The following PLEKHG7 variants were observed in gnomAD, a reference collection of about 807,000 sequenced individuals.
PLEKHG7 encodes pleckstrin homology and RhoGEF domain containing G7.
A neutral mutation model predicts 85.2 loss-of-function variants in PLEKHG7; 77 were observed. The ratio of observed to expected loss-of-function variants is 0.90; its 90% CI spans 0.75 to 1.09. PLEKHG7 has a LOEUF of 1.09. Among genes scored for constraint, PLEKHG7 ranks in the 50% least tolerant of loss-of-function variants. The pLI is 0.00. For missense variants in PLEKHG7, 777 were observed against 804.3 expected (o/e 0.97, Z 0.41); for synonymous variants, 301 against 302.4 (o/e 1.00, Z 0.05).
In PLEKHG7 at chr12:92,740,966, AT is replaced by A; in HGVS notation, c.1035+20del. On this transcript the variant is annotated intron_variant, in intron 8 of 16. Coordinates refer to ENST00000344636, the MANE Select transcript of PLEKHG7 (RefSeq NM_001377329.1). Reference sequence around the variant, plus strand: ...TAACTCAGGTGAGCCAAGTAGGAAGATTCATGTTTTAACATTCACTAGAGGA... The same window carrying A: ...TAACTCAGGTGAGCCAAGTAGGAAGATCATGTTTTAACATTCACTAGAGGA... 5.2e-6 allele frequency: 8 copies of A among 1,549,244 alleles called. No individual in the cohort carries two copies. The highest frequency in any genetic ancestry group is 7.1e-6 in the Non-Finnish European group (8 of 1,122,668).
chr12:92,767,517 A>G (rs957747770), intron 15 of PLEKHG7, among the ~76,000 whole-genome samples: 1 of 151,936 alleles, frequency 6.6e-6, no homozygotes, highest in African/African-American at 2.4e-5. Flanking sequence ...TTTTCCCCAG[A>G]AAGTCATTTT....
intron 13 of PLEKHG7, among the ~76,000 whole-genome samples, chr12:92,759,327 T>C (rs554173133): frequency 6.6e-6 from 1 of 152,280 alleles, no homozygotes; most frequent in South Asian, 2.1e-4. Flanking sequence ...CAAAATAAAA[T>C]AGTTGAAATT....
At position 92,757,492 on chromosome 12, in the gene PLEKHG7, T is replaced by C. The variant is rs146232450; in HGVS notation, c.1636+1101T>C. Among the ~76,000 whole-genome samples, 8 of 152,256 alleles carry C rather than the reference T, an allele frequency of 5.3e-5. 1 individual carries two copies. The East Asian group carries it at 1.2e-3, about 22-fold the overall frequency. ...TGTATATTGAAACTCTGCTCTATTT[T>C]AGAGGTAGTCTGGATGTCAGGTTAG... On this transcript the variant is annotated intron_variant, in intron 13 of 16. Coordinates refer to ENST00000344636, the MANE Select transcript of PLEKHG7 (RefSeq NM_001377329.1).
chr12:92,767,659 T>C (rs1259859682), intron 15 of PLEKHG7, among the ~76,000 whole-genome samples: 2 of 152,224 alleles, frequency 1.3e-5, no homozygotes, highest in Admixed American at 6.5e-5. Context: ...TCTGTGATAC[T>C]GGGGTAGTTC....
At chr12:92,703,694 C>A (rs910419277) in intron 1 of PLEKHG7, among the ~76,000 whole-genome samples, 13 of 152,240 alleles carry the variant, frequency 8.5e-5, no homozygotes, top group African/African-American at 3.1e-4. Flanking sequence ...TGCAAACCAC[C>A]TCCCTAAGCC....
Position 92,770,293 on chromosome 12 carries a change from G to T in PLEKHG7, c.*98G>T. 2.1e-6 allele frequency: 2 copies of T among 940,900 alleles called. No individual in the cohort carries two copies. The highest frequency in any genetic ancestry group is 3.2e-6 in the Non-Finnish European group (2 of 619,658). The allele number at this position is 940,900 out of a possible 1,614,324, so 58.3% of individuals were successfully genotyped here. A position where few individuals can be genotyped will look rare whatever the true frequency, so the allele number is the denominator to read the frequency against. On this transcript the variant is annotated 3_prime_UTR_variant, in exon 17 of 17. Coordinates refer to ENST00000344636, the MANE Select transcript of PLEKHG7 (RefSeq NM_001377329.1). ...CACTTAGCTAGTGATAAGCTAGAAG[G>T]AAATTTGCATTTTAAAGAAGTTTCA...
intron 5 of PLEKHG7, among the ~76,000 whole-genome samples, chr12:92,735,497 G>T (rs117903986): frequency 6.6e-5 from 10 of 152,274 alleles, no homozygotes; most frequent in Non-Finnish European, 1.5e-4. Flanking sequence ...AAACTGTTTA[G>T]ATCCATGCCA....
chr12:92,730,990 G>A (rs1006526505), intron 4 of PLEKHG7, among the ~76,000 whole-genome samples: 3 of 152,150 alleles, frequency 2.0e-5, no homozygotes, highest in Admixed American at 6.6e-5. Context: ...GTGCATATGA[G>A]TCACCTGCAG....
At chr12:92,769,774 C>T (rs1873347018) in intron 16 of PLEKHG7, among the ~76,000 whole-genome samples, 1 of 152,174 alleles carries the variant, frequency 6.6e-6, no homozygotes, top group Non-Finnish European at 1.5e-5. Flanking sequence ...AGCAATGCCA[C>T]TTTCAAACTA....
Position 92,706,840 on chromosome 12 carries a change from C to G in PLEKHG7, c.209C>G (p.Thr70Ser), listed in dbSNP as rs781009656. Residue 70 changes from threonine (T) to serine (S), a missense_variant, in exon 2 of 17, where the codon ACC becomes AGC. Physicochemically the swap from Thr to Ser is moderately conservative, Grantham distance 58. Around this residue, in one of 3 missense-constraint regions of PLEKHG7, gnomAD observed 252 missense variants for 241.9 expected, o/e 1.04. Coordinates refer to ENST00000344636, the MANE Select transcript of PLEKHG7 (RefSeq NM_001377329.1). ...GTRQDAWQVT[T>S]WGSWGAPVGF... ...AGGCAGGATGCCTGGCAGGTGACCACCTGGGGAAGCTGGGGAGCTCCTGTG... is the reference window on the plus strand; with the variant it reads ...AGGCAGGATGCCTGGCAGGTGACCAGCTGGGGAAGCTGGGGAGCTCCTGTG... 1.2e-6 allele frequency: 2 copies of G among 1,613,932 alleles called. No homozygotes were observed. Among genetic ancestry groups the G allele is most frequent in the South Asian group, 2.2e-5 (2 of 91,084 alleles).
Position 92,741,532 on chromosome 12 carries a change from G to A in PLEKHG7, c.1077G>A (p.Lys359=). ...TGAACAGTCTCTTTGGCATCATCAAGGACTATGTAGACGCTTCTGAGATTT... is the reference window on the plus strand; with the variant it reads ...TGAACAGTCTCTTTGGCATCATCAAAGACTATGTAGACGCTTCTGAGATTT... ...GFVNSLFGII[K]DYVDASEISS... The change falls in exon 9 of 17, where the codon AAG becomes AAA. Residue 359 remains lysine, a synonymous_variant. Coordinates refer to ENST00000344636, the MANE Select transcript of PLEKHG7 (RefSeq NM_001377329.1). The A allele has an allele frequency of 6.2e-7, 1 of 1,613,334 alleles. No individual in the cohort carries two copies. Among genetic ancestry groups the A allele is most frequent in the Non-Finnish European group, 8.5e-7 (1 of 1,179,692 alleles).
rs1475286928 is a variant in PLEKHG7, at chr12:92,771,527, G to C, written c.*1332G>C. On this transcript the variant is annotated 3_prime_UTR_variant, in exon 17 of 17. Transcript: ENST00000344636. Reference sequence around the variant, plus strand: ...TGGAGGACAGTAACTATTGTTAATAGCTAAGAATAAATGAGGTGGAGGGGA... The same window carrying C: ...TGGAGGACAGTAACTATTGTTAATACCTAAGAATAAATGAGGTGGAGGGGA... 1 of 151,994 alleles carries C rather than the reference G, an allele frequency of 6.6e-6. No individual in the cohort carries two copies. The highest frequency in any genetic ancestry group is 1.5e-5 in the Non-Finnish European group (1 of 67,930). 9.4% of individuals were successfully genotyped at this position (151,994 alleles called of 1,614,324 possible).
At chr12:92,716,872 C>T (rs1313072966) in intron 3 of PLEKHG7, among the ~76,000 whole-genome samples, 1 of 152,194 alleles carries the variant, frequency 6.6e-6, no homozygotes, top group African/African-American at 2.4e-5. Flanking sequence ...GAGTCTACTT[C>T]CAAAAAGATG....
At chr12:92,749,835 T>C (rs1317248101) in intron 10 of PLEKHG7, 1 of 151,314 alleles carries the variant, frequency 6.6e-6, no homozygotes, top group Non-Finnish European at 1.5e-5. Flanking sequence ...TGCATCCCAC[T>C]AAGACAAATT....
chr12:92,768,706 A>G (rs961143884), intron 15 of PLEKHG7, among the ~76,000 whole-genome samples: 1 of 152,192 alleles, frequency 6.6e-6, no homozygotes, highest in Non-Finnish European at 1.5e-5. Flanking sequence ...CAGGGGCCCC[A>G]TTACCTAAGC....
At chr12:92,714,605 T>C (rs1871432048) in intron 3 of PLEKHG7, among the ~76,000 whole-genome samples, 1 of 152,234 alleles carries the variant, frequency 6.6e-6, no homozygotes, top group Non-Finnish European at 1.5e-5. Context: ...GCTCAGTGTC[T>C]GCTTCTGAAG....
At chr12:92,761,635 A>AAAGG (rs1555196569) in intron 13 of PLEKHG7, 117 bp from the exon 14 acceptor site, 24 of 293,016 alleles carry the variant, frequency 8.2e-5, no homozygotes, top group African/African-American at 1.6e-4. Context: ...AGAAAGAAAG[A>AAAGG]AAGAAAGAAA....
intron 10 of PLEKHG7, 127 bp downstream of exon 10, chr12:92,745,718 C>A: frequency 1.6e-6 from 1 of 637,072 alleles, no homozygotes; most frequent in Non-Finnish European, 2.7e-6. Context: ...TATGTTTTAA[C>A]TACAAATCTG....
intron 3 of PLEKHG7, 152 bp downstream of exon 3, chr12:92,707,824 G>A (rs117604369): frequency 6.0e-6 from 8 of 1,329,860 alleles, no homozygotes; most frequent in Admixed American, 2.0e-5. Context: ...ATTTATAGGT[G>A]CACGAGTTTT....
Sources: gnomAD v4.1 joint callset for allele counts (sites outside exome capture counted in the v4.1 genomes callset) on GRCh38, gnomAD v4.1.1 for gene constraint, gnomAD v4.1.1 regional missense constraint, MANE v1.5 for transcripts, NCBI Gene and HGNC (gene_info 2026-07-23, HGNC 2026-07-21) for gene names.